RAD51B: variants seen among roughly 807,000 people sequenced by gnomAD.
RAD51B encodes the protein DNA repair protein RAD51 homolog 2.
A neutral mutation model predicts 42.2 loss-of-function variants in RAD51B; 38 were observed. The ratio of observed to expected loss-of-function variants is 0.90; its 90% CI spans 0.70 to 1.18. The LOEUF (loss-of-function observed/expected upper bound fraction) is 1.18. Ranked by LOEUF, RAD51B falls within the 50% of genes most tolerant of loss-of-function variation. The pLI, the probability that RAD51B is intolerant of heterozygous loss-of-function variation, is 0.00. For synonymous variants in RAD51B, 154 were observed against 145.2 expected (o/e 1.06, Z -0.43); for missense variants, 373 against 400.7 (o/e 0.93, Z 0.59).
chr14:68,083,856 C>T (rs1419928355), intron 7 of RAD51B, among the ~76,000 whole-genome samples: 1 of 152,060 alleles, frequency 6.6e-6, no homozygotes. Context: ...AAACTTACTC[C>T]ATAACTACAT....
At chr14:68,457,191 A>G (rs2093202) in intron 9 of RAD51B, among the ~76,000 whole-genome samples, 67,071 of 151,552 alleles carry the variant, frequency 0.44, 15,782 homozygotes, top group African/African-American at 0.61. Context: ...GGTATTATAG[A>G]TGTGAGCCAA....
At chr14:67,969,464 T>A (rs1595182761) in intron 7 of RAD51B, among the ~76,000 whole-genome samples, 1 of 152,188 alleles carries the variant, frequency 6.6e-6, no homozygotes, top group South Asian at 2.1e-4. Flanking sequence ...CATCTGGTTT[T>A]CCCTGTTCCG....
At chr14:68,538,158 A>G (rs892212271) in intron 10 of RAD51B, among the ~76,000 whole-genome samples, 1 of 152,232 alleles carries the variant, frequency 6.6e-6, no homozygotes, top group African/African-American at 2.4e-5. Flanking sequence ...CCAGGTTCCC[A>G]GAGTCCTGTC....
intron 7 of RAD51B, among the ~76,000 whole-genome samples, chr14:68,278,202 G>C (rs964318958): frequency 3.9e-5 from 6 of 152,228 alleles, no homozygotes; most frequent in Non-Finnish European, 8.8e-5. Context: ...GACACAGCTG[G>C]TGAGTTACCC....
At chr14:68,229,563 G>A (rs1362975230) in intron 7 of RAD51B, among the ~76,000 whole-genome samples, 1 of 152,170 alleles carries the variant, frequency 6.6e-6, no homozygotes, top group Non-Finnish European at 1.5e-5. Context: ...ACTCTTTGGA[G>A]TAGATATCTG....
At chr14:68,298,005 C>A (rs974484006) in intron 8 of RAD51B, among the ~76,000 whole-genome samples, 5 of 152,214 alleles carry the variant, frequency 3.3e-5, no homozygotes, top group African/African-American at 4.8e-5. Context: ...TTACATGGTT[C>A]TATTCACAAG....
At chr14:68,236,168 T>C (rs2080252413) in intron 7 of RAD51B, 2 of 152,208 alleles carry the variant, frequency 1.3e-5, no homozygotes, top group Admixed American at 1.3e-4. Context: ...ACAGGCCATT[T>C]ACCTATATAA....
chr14:68,560,610 C>A (rs986563404), intron 10 of RAD51B, among the ~76,000 whole-genome samples: 5 of 152,132 alleles, frequency 3.3e-5, no homozygotes, highest in Admixed American at 2.0e-4. Context: ...GTGGTGAGCG[C>A]CTGTAATCCC....
chr14:68,501,203 G>A (rs948237140), intron 10 of RAD51B, among the ~76,000 whole-genome samples: 1 of 152,140 alleles, frequency 6.6e-6, no homozygotes, highest in Non-Finnish European at 1.5e-5. Flanking sequence ...ATAAAGTCAG[G>A]CAAGGCTGTG....
chr14:67,922,726 C>G lies in RAD51B; in HGVS notation c.756+35522C>G, dbSNP rs1332671795. Among the ~76,000 whole-genome samples the G allele has an allele frequency of 4.2e-5, 6 of 144,394 alleles. No individual in the cohort carries two copies. In the East Asian group the frequency reaches 1.0e-3, roughly 24 times the overall value. The allele number at this position is 144,394 out of a possible 152,430, so 94.7% of individuals were successfully genotyped here. ...TTTCTTTTTGAGATAGAGTCTTGCT[C>G]TGTCGCGCGGCCTGGAGTGCAGTGG... On this transcript the variant is annotated intron_variant, in intron 7 of 10. Transcript: ENST00000471583.
At chr14:68,297,078 C>T (rs1010024825) in intron 8 of RAD51B, among the ~76,000 whole-genome samples, 12 of 152,138 alleles carry the variant, frequency 7.9e-5, no homozygotes, top group Non-Finnish European at 1.3e-4. Flanking sequence ...ACCATCCCTG[C>T]GAAAAGCTGG....
At chr14:68,129,905 G>A (rs561429443) in intron 7 of RAD51B, among the ~76,000 whole-genome samples, 3 of 152,322 alleles carry the variant, frequency 2.0e-5, no homozygotes, top group African/African-American at 2.4e-5. Flanking sequence ...TTGGTCTATA[G>A]GTGTGTTAGT....
At chr14:68,261,048 T>C (rs2080877396) in intron 7 of RAD51B, among the ~76,000 whole-genome samples, 1 of 152,234 alleles carries the variant, frequency 6.6e-6, no homozygotes, top group Non-Finnish European at 1.5e-5. Context: ...TTTCATAGAA[T>C]CAATTTTTTC....
At chr14:67,991,987 A>T (rs936092316) in intron 7 of RAD51B, among the ~76,000 whole-genome samples, 1 of 152,204 alleles carries the variant, frequency 6.6e-6, no homozygotes, top group Non-Finnish European at 1.5e-5. Flanking sequence ...TCCTAAGTTA[A>T]CAGAAAACTT....
At chr14:68,442,301 G>C (rs1166510603) in intron 9 of RAD51B, among the ~76,000 whole-genome samples, 1 of 152,080 alleles carries the variant, frequency 6.6e-6, no homozygotes, top group Non-Finnish European at 1.5e-5. Flanking sequence ...ATGGGGTCTG[G>C]AGTATTAGTC....
chr14:68,179,733 C>G lies in RAD51B; in HGVS notation c.757-112151C>G, dbSNP rs180683671. Among the ~76,000 whole-genome samples, 528 of 151,978 alleles carry G rather than the reference C, an allele frequency of 3.5e-3. 2 individuals carry two copies. The highest frequency in any genetic ancestry group is 0.011 in the African/African-American group (448 of 41,288). On this transcript the variant is annotated intron_variant, in intron 7 of 10. Transcript: ENST00000471583. ...GGGATACAAGTTGAAAAATGCTCTT[C>G]TATGTTGTTATTGTAACTTTTAGGA...
At chr14:68,186,839 T>G (rs1044278765) in intron 7 of RAD51B, among the ~76,000 whole-genome samples, 4 of 152,210 alleles carry the variant, frequency 2.6e-5, no homozygotes, top group Non-Finnish European at 5.9e-5. Context: ...AATTATCATT[T>G]GACCCAGCAA....
intron 8 of RAD51B, among the ~76,000 whole-genome samples, chr14:68,337,937 A>T (rs1024062614): frequency 6.6e-6 from 1 of 151,516 alleles, no homozygotes; most frequent in South Asian, 2.1e-4. Context: ...ACACTCAGCA[A>T]ATTTTTTAGT....
intron 10 of RAD51B, among the ~76,000 whole-genome samples, chr14:68,561,726 C>G (rs1889158637): frequency 6.6e-6 from 1 of 152,216 alleles, no homozygotes; most frequent in Non-Finnish European, 1.5e-5. Flanking sequence ...CCAGAGGGAG[C>G]AGGCCCTCGA....
Sources: allele counts gnomAD v4.1 joint callset (sites outside exome capture counted in the v4.1 genomes callset), GRCh38; gene constraint gnomAD v4.1.1; transcripts MANE v1.5; gene names NCBI Gene and HGNC (gene_info 2026-07-23, HGNC 2026-07-21).